The following RBFOX1 variants were observed in gnomAD, a reference collection of about 807,000 sequenced individuals.
The protein encoded by RBFOX1 is RNA binding protein fox-1 homolog 1.
Under a neutral mutation model 57.7 loss-of-function variants are expected in RBFOX1, and 8 were observed. The ratio of observed to expected loss-of-function variants is 0.14; its 90% CI spans 0.08 to 0.25. The LOEUF is 0.25. Among genes scored for constraint, RBFOX1 ranks in the 10% least tolerant of loss-of-function variants. The probability of loss-of-function intolerance (pLI) is 1.00; values close to 1 mark genes in which losing one functional copy is unlikely to be tolerated. For missense variants in RBFOX1, 611 were observed against 548.5 expected (o/e 1.11, Z -1.14); for synonymous variants, 326 against 222.4 (o/e 1.47, Z -4.15).
intron 4 of RBFOX1, among the ~76,000 whole-genome samples, chr16:5,952,422 A>C (rs2059540318): frequency 6.6e-6 from 1 of 152,080 alleles, no homozygotes; most frequent in Admixed American, 6.5e-5. Flanking sequence ...AGTAGCTGGG[A>C]TTATAGTCGT....
At chr16:5,598,933 C>G in exon 3 of RBFOX1, 1 of 1,532,932 alleles carries the variant, frequency 6.5e-7, no homozygotes, top group South Asian at 1.2e-5. Context: ...ACCCTCCTCC[C>G]CGGTGCCAAG....
intron 1 of RBFOX1, among the ~76,000 whole-genome samples, chr16:6,104,582 C>T (rs1334966068): frequency 6.6e-6 from 1 of 152,148 alleles, no homozygotes; most frequent in African/African-American, 2.4e-5. Flanking sequence ...TGTTCCCACC[C>T]TCAGCCCCAG....
intron 1 of RBFOX1, among the ~76,000 whole-genome samples, chr16:6,271,627 G>C (rs903924936): frequency 6.6e-6 from 1 of 152,162 alleles, no homozygotes; most frequent in African/African-American, 2.4e-5. Flanking sequence ...TATCACTACA[G>C]ACTTTGCAGA....
At chr16:6,750,291 G>A (rs185253223) in intron 3 of RBFOX1, among the ~76,000 whole-genome samples, 90 of 152,290 alleles carry the variant, frequency 5.9e-4, no homozygotes, top group Admixed American at 2.3e-3. Context: ...CATTCTCATA[G>A]CCTCACAGCA....
intron 2 of RBFOX1, among the ~76,000 whole-genome samples, chr16:6,402,973 A>G (rs1370034780): frequency 6.6e-6 from 1 of 152,082 alleles, no homozygotes; most frequent in South Asian, 2.1e-4. Context: ...AAAACCTTCA[A>G]CCCTTGGCTT....
At chr16:5,451,644 C>G (rs1005756947) in intron 1 of RBFOX1, among the ~76,000 whole-genome samples, 9 of 152,178 alleles carry the variant, frequency 5.9e-5, no homozygotes, top group Admixed American at 2.6e-4. Context: ...CAGTAGAAGT[C>G]TACGTACAAT....
intron 1 of RBFOX1, among the ~76,000 whole-genome samples, chr16:6,127,598 C>T (rs940659816): frequency 2.0e-5 from 3 of 152,156 alleles, no homozygotes; most frequent in African/African-American, 4.8e-5. Context: ...TCATGTGGGA[C>T]CTTTTCAAAT....
At chr16:5,259,463 A>G (rs2333968) in intron 1 of RBFOX1, among the ~76,000 whole-genome samples, 2 of 152,112 alleles carry the variant, frequency 1.3e-5, no homozygotes, top group African/African-American at 2.4e-5. Flanking sequence ...CTTTGACTCC[A>G]TCTTGTATTG....
chr16:6,000,476 T>C (rs1056741567), intron 4 of RBFOX1, among the ~76,000 whole-genome samples: 4 of 152,132 alleles, frequency 2.6e-5, no homozygotes, highest in South Asian at 4.1e-4. Flanking sequence ...GAGTATAAAA[T>C]TGGATCCCGT....
chr16:5,436,499 A>G (rs2067922484), intron 1 of RBFOX1, among the ~76,000 whole-genome samples: 1 of 152,134 alleles, frequency 6.6e-6, no homozygotes, highest in African/African-American at 2.4e-5. Flanking sequence ...AATCCTCAGA[A>G]CTCGTCTTTT....
At chr16:6,767,239 C>G (rs188035118) in intron 3 of RBFOX1, among the ~76,000 whole-genome samples, 111 of 152,156 alleles carry the variant, frequency 7.3e-4, no homozygotes, top group Admixed American at 2.2e-3. Flanking sequence ...CAGGGACTGG[C>G]TCCTAGATGA....
intron 2 of RBFOX1, among the ~76,000 whole-genome samples, chr16:5,495,995 G>A (rs184571453): frequency 1.7e-3 from 258 of 152,208 alleles, no homozygotes; most frequent in African/African-American, 5.3e-3. Context: ...GCATGGTGGC[G>A]GGTGCCTGTA....
chr16:5,963,795 C>T (rs1268141739), intron 4 of RBFOX1, among the ~76,000 whole-genome samples: 3 of 152,102 alleles, frequency 2.0e-5, no homozygotes, highest in African/African-American at 2.4e-5. Flanking sequence ...GACCTAAAGC[C>T]ATAAGACTCC....
chr16:6,266,975 A>C (rs1412448644), intron 1 of RBFOX1, among the ~76,000 whole-genome samples: 1 of 152,204 alleles, frequency 6.6e-6, no homozygotes, highest in South Asian at 2.1e-4. Context: ...GACTGAAAGC[A>C]AATGGAGCAG....
At chr16:7,199,404 T>C (rs2087690718) in intron 4 of RBFOX1, among the ~76,000 whole-genome samples, 1 of 152,204 alleles carries the variant, frequency 6.6e-6, no homozygotes, top group Non-Finnish European at 1.5e-5. Flanking sequence ...GTTTTCCAAA[T>C]AGGCCCTGAA....
intron 3 of RBFOX1, among the ~76,000 whole-genome samples, chr16:5,818,111 A>G (rs569977881): frequency 6.6e-6 from 1 of 152,308 alleles, no homozygotes; most frequent in African/African-American, 2.4e-5. Context: ...CATTCTGATC[A>G]CTAGTAATGA....
At chr16:6,985,383 G>A (rs1054400961) in intron 3 of RBFOX1, among the ~76,000 whole-genome samples, 2 of 152,126 alleles carry the variant, frequency 1.3e-5, no homozygotes, top group East Asian at 1.9e-4. Flanking sequence ...TTATAAATAG[G>A]TATGGCTGGA....
At chr16:6,852,590 A>G (rs541257298) in intron 3 of RBFOX1, among the ~76,000 whole-genome samples, 7 of 152,276 alleles carry the variant, frequency 4.6e-5, no homozygotes, top group African/African-American at 1.7e-4. Flanking sequence ...CATGTTGGAA[A>G]CTAGCTGTCC....
chr16:7,709,160 TTCC>T, intron 15 of RBFOX1, 29 bp downstream of exon 15: 1 of 1,572,592 alleles, frequency 6.4e-7, no homozygotes, highest in Non-Finnish European at 8.7e-7. Context: ...TTGTCCTCAC[TTCC>T]TCCTGCCTCC....
Sources: gnomAD v4.1 joint callset for allele counts (sites outside exome capture counted in the v4.1 genomes callset) on GRCh38, gnomAD v4.1.1 for gene constraint, MANE v1.5 for transcripts, NCBI Gene and HGNC (gene_info 2026-07-23, HGNC 2026-07-21) for gene names.